The following ARMH4 variants were observed in gnomAD, a reference collection of about 807,000 sequenced individuals.
ARMH4 encodes armadillo like helical domain containing 4, also known as armadillo-like helical domain-containing protein 4.
A neutral mutation model predicts 61.9 loss-of-function variants in ARMH4; 49 were observed. That is an observed-to-expected ratio of 0.79 (90% confidence interval 0.63 to 1.00). ARMH4 has a LOEUF of 1.00. Among genes scored for constraint, ARMH4 ranks in the 50% least tolerant of loss-of-function variants. ARMH4 has a pLI of 0.00. For missense variants in ARMH4, 934 were observed against 930.0 expected, an observed-to-expected ratio of 1.00 and a Z score of -0.06; for synonymous variants, 368 against 341.5, an observed-to-expected ratio of 1.08 and a Z score of -0.85.
At chr14:58,021,795 C>T (rs546394273) in intron 5 of ARMH4, among the ~76,000 whole-genome samples, 5 of 152,286 alleles carry the variant, frequency 3.3e-5, no homozygotes, top group East Asian at 3.9e-4. Flanking sequence ...CCCAGAAGAG[C>T]TCGTTCCAAG....
intron 3 of ARMH4, among the ~76,000 whole-genome samples, chr14:58,132,460 A>AT (rs1887140133): frequency 6.8e-6 from 1 of 147,160 alleles, no homozygotes; most frequent in African/African-American, 2.7e-5. Flanking sequence ...TTTTCACCTC[A>AT]TCCCCCCCGG....
intron 5 of ARMH4, among the ~76,000 whole-genome samples, chr14:58,060,459 G>C (rs1884492899): frequency 6.6e-6 from 1 of 152,158 alleles, no homozygotes; most frequent in South Asian, 2.1e-4. Flanking sequence ...GGGATATAAA[G>C]ACTTTGAAAA....
chr14:58,143,533 G>A (rs546977284), intron 1 of ARMH4, among the ~76,000 whole-genome samples: 4 of 152,106 alleles, frequency 2.6e-5, no homozygotes, highest in South Asian at 2.1e-4. Context: ...ATGCCATCTC[G>A]GCTCGCTGCA....
At chr14:58,106,945 G>C (rs1353757195) in intron 4 of ARMH4, among the ~76,000 whole-genome samples, 1 of 152,058 alleles carries the variant, frequency 6.6e-6, no homozygotes, top group Non-Finnish European at 1.5e-5. Flanking sequence ...TACCAAAATC[G>C]AGAGTCTTCA....
intron 5 of ARMH4, among the ~76,000 whole-genome samples, chr14:58,088,014 T>C (rs1164108808): frequency 1.3e-5 from 2 of 152,214 alleles, no homozygotes; most frequent in Non-Finnish European, 2.9e-5. Flanking sequence ...ACAGTGCACA[T>C]CTGCGAGAAC....
At chr14:58,047,355 T>C (rs567340935) in intron 5 of ARMH4, among the ~76,000 whole-genome samples, 3 of 152,358 alleles carry the variant, frequency 2.0e-5, no homozygotes, top group Non-Finnish European at 4.4e-5. Context: ...ATCTGCCTTA[T>C]TGCTGGCAGT....
In ARMH4 at chr14:58,003,693, T is replaced by C. The variant is rs867752536; in HGVS notation, c.*1043A>G. The C allele has an allele frequency of 6.6e-6, 1 of 152,244 alleles. No individual in the cohort carries two copies. Among genetic ancestry groups the C allele is most frequent in the Admixed American group, 6.5e-5 (1 of 15,290 alleles). The allele number at this position is 152,244 out of a possible 1,614,324, so 9.4% of individuals were successfully genotyped here. ...TGCCCTGAGAGAGGCTGGTTTCCCA[T>C]GAGCTCTGTTGTTCACCAGGACTCT... On this transcript the variant is annotated 3_prime_UTR_variant, in exon 8 of 8. Coordinates refer to ENST00000267485, the MANE Select transcript of ARMH4 (RefSeq NM_001001872.4).
At chr14:58,097,008 C>T in intron 4 of ARMH4, 27 bp from the exon 5 acceptor site, 2 of 1,604,774 alleles carry the variant, frequency 1.2e-6, no homozygotes, top group South Asian at 2.2e-5. Context: ...CAAAGGGAAG[C>T]ATAAACATAT....
chr14:58,097,064 C>T (rs1473455915), intron 4 of ARMH4, 83 bp from the exon 5 acceptor site: 28 of 1,413,606 alleles, frequency 2.0e-5, no homozygotes, highest in Non-Finnish European at 2.7e-5. Context: ...ATGATCCAAA[C>T]ACTACAAAAT....
chr14:58,019,458 CCT>C lies in ARMH4; in HGVS notation c.2090-7310_2090-7309del, dbSNP rs369044768. Among the ~76,000 whole-genome samples the C allele has an allele frequency of 1.5e-4, 23 of 152,056 alleles. 1 individual carries two copies. Among genetic ancestry groups the C allele is most frequent in the African/African-American group, 5.5e-4 (23 of 41,452 alleles). On this transcript the variant is annotated intron_variant, in intron 5 of 7. Transcript: ENST00000267485. ...TAGTCATGGGTTATTAAAAATAGAT[CCT>C]CTCTCATGCTCGCCAGCACCCTCTT...
intron 5 of ARMH4, among the ~76,000 whole-genome samples, chr14:58,048,718 C>G (rs537218318): frequency 6.6e-6 from 1 of 152,222 alleles, no homozygotes; most frequent in Admixed American, 6.5e-5. Context: ...AGGGGCAAAA[C>G]AAGAGCGAGA....
intron 5 of ARMH4, among the ~76,000 whole-genome samples, chr14:58,045,077 A>G (rs2141189849): frequency 6.6e-6 from 1 of 152,372 alleles, no homozygotes; most frequent in Middle Eastern, 3.4e-3. Flanking sequence ...ATCCAGAATT[A>G]GAAATACCAT....
chr14:58,056,242 C>G (rs1025438282), intron 5 of ARMH4, among the ~76,000 whole-genome samples: 1 of 152,212 alleles, frequency 6.6e-6, no homozygotes, highest in Non-Finnish European at 1.5e-5. Context: ...ATTCTCTCAG[C>G]TCTGCTTCAT....
Position 58,115,826 on chromosome 14 carries a change from A to G in ARMH4, c.1831+15686T>C, listed in dbSNP as rs375352873. On this transcript the variant is annotated intron_variant, in intron 4 of 7. Transcript: ENST00000267485. ...ACAGGAACAGAAAACCAAGCATCAC[A>G]TGCTCTCACTTGTAAGTGGGAGCTA... Among the ~76,000 whole-genome samples, 4 of 152,358 alleles carry G rather than the reference A, an allele frequency of 2.6e-5. No homozygotes were observed. In the East Asian group the frequency reaches 5.8e-4, roughly 22 times the overall value.
chr14:58,086,355 G>C (rs1394597519), intron 5 of ARMH4, among the ~76,000 whole-genome samples: 1 of 152,130 alleles, frequency 6.6e-6, no homozygotes, highest in Non-Finnish European at 1.5e-5. Context: ...CAGAAAGCAG[G>C]CTATAGTTAG....
chr14:58,034,454 A>G (rs1302097727), intron 5 of ARMH4, among the ~76,000 whole-genome samples: 2 of 127,822 alleles, frequency 1.6e-5, no homozygotes, highest in African/African-American at 5.8e-5. Flanking sequence ...AAATCATGCC[A>G]AAATGTAAAG....
chr14:58,060,209 C>T (rs1161097193), intron 5 of ARMH4, among the ~76,000 whole-genome samples: 1 of 152,188 alleles, frequency 6.6e-6, no homozygotes, highest in Non-Finnish European at 1.5e-5. Flanking sequence ...TGTCTACCTA[C>T]ACTGAAAAGA....
chr14:58,005,065 T>G lies in ARMH4; in HGVS notation c.2239A>C (p.Lys747Gln), dbSNP rs1166662401. ...TTCCATACCTTTCTTTTATGCCTTT[T>G]GAAGCCATTTCTCCTTCGGCGATTC... Reference protein sequence around the residue: ...VMNRRRRNGFKRHKRKQREFN... With the variant: ...VMNRRRRNGFQRHKRKQREFN... The change falls in exon 7 of 8, where the codon AAA becomes CAA. Residue 747 changes from lysine to glutamine, a missense_variant. Transcript: ENST00000267485. 1.9e-6 allele frequency: 3 copies of G among 1,613,970 alleles called. No homozygotes were observed. Among genetic ancestry groups the G allele is most frequent in the Non-Finnish European group, 2.5e-6 (3 of 1,179,946 alleles).
Position 58,096,560 on chromosome 14 carries a change from T to C in ARMH4, c.2089+164A>G, listed in dbSNP as rs1207602067. Among the ~76,000 whole-genome samples the C allele has an allele frequency of 2.6e-5, 4 of 152,114 alleles. No homozygotes were observed. In the East Asian group the frequency reaches 7.7e-4, roughly 29 times the overall value. ...TTTTAATTATCAGTTATTTCTTCGGTGAGTTTATACTTATATTCTTAACCA... is the reference window on the plus strand; with the variant it reads ...TTTTAATTATCAGTTATTTCTTCGGCGAGTTTATACTTATATTCTTAACCA... On this transcript the variant is annotated intron_variant, in intron 5 of 7. Transcript: ENST00000267485.
Sources: allele counts gnomAD v4.1 joint callset (sites outside exome capture counted in the v4.1 genomes callset), GRCh38; gene constraint gnomAD v4.1.1; transcripts MANE v1.5; gene names NCBI Gene and HGNC (gene_info 2026-07-23, HGNC 2026-07-21).